Variants in SPOCK1 observed in about 807,000 individuals in gnomAD.
SPOCK1 encodes SPARC (osteonectin), cwcv and kazal like domains proteoglycan 1, also known as testican-1.
A neutral mutation model predicts 55.3 loss-of-function variants in SPOCK1; 23 were observed. The observed-to-expected ratio is 0.42, with a 90% CI of 0.30 to 0.59. The LOEUF is 0.59. Among genes scored for constraint, SPOCK1 ranks in the 20% least tolerant of loss-of-function variants. SPOCK1 has a pLI of 0.22. For synonymous variants in SPOCK1, 226 were observed against 221.0 expected (o/e 1.02, Z -0.20); for missense variants, 499 against 552.5 (o/e 0.90, Z 0.97).
intron 2 of SPOCK1, among the ~76,000 whole-genome samples, chr5:137,283,420 A>G (rs977163335): frequency 6.6e-5 from 10 of 152,230 alleles, no homozygotes; most frequent in Admixed American, 3.3e-4. Context: ...AGGACACTTA[A>G]GAACTAGCAG....
At chr5:137,014,874 A>T (rs976273434) in intron 6 of SPOCK1, among the ~76,000 whole-genome samples, 3 of 152,216 alleles carry the variant, frequency 2.0e-5, no homozygotes, top group Non-Finnish European at 4.4e-5. Context: ...TTTATCTGAC[A>T]GTTATTCTGT....
At chr5:137,378,943 G>C (rs1009893196) in intron 2 of SPOCK1, among the ~76,000 whole-genome samples, 4 of 152,188 alleles carry the variant, frequency 2.6e-5, no homozygotes, top group Non-Finnish European at 5.9e-5. Flanking sequence ...GGAAATCACT[G>C]CTGTACCCTG....
intron 6 of SPOCK1, among the ~76,000 whole-genome samples, chr5:137,060,812 T>G (rs999589180): frequency 1.3e-5 from 2 of 152,172 alleles, no homozygotes; most frequent in Non-Finnish European, 2.9e-5. Flanking sequence ...TCACTTGCTA[T>G]CAAATAGACT....
At chr5:137,114,533 T>C (rs903180371) in intron 4 of SPOCK1, among the ~76,000 whole-genome samples, 9 of 152,224 alleles carry the variant, frequency 5.9e-5, no homozygotes, top group Non-Finnish European at 8.8e-5. Context: ...TATTTGCATT[T>C]ATAAATTACA....
At chr5:137,335,632 G>A (rs1750249115) in intron 2 of SPOCK1, among the ~76,000 whole-genome samples, 1 of 152,136 alleles carries the variant, frequency 6.6e-6, no homozygotes. Context: ...TGAAACTCAG[G>A]GATCTGAAAG....
At chr5:137,316,022 T>C (rs1757874945) in intron 2 of SPOCK1, among the ~76,000 whole-genome samples, 1 of 152,194 alleles carries the variant, frequency 6.6e-6, no homozygotes, top group South Asian at 2.1e-4. Context: ...ACTTGTGCTA[T>C]GACAAAATAC....
At chr5:136,983,378 C>T (rs905431011) in intron 9 of SPOCK1, among the ~76,000 whole-genome samples, 4 of 152,114 alleles carry the variant, frequency 2.6e-5, no homozygotes, top group Non-Finnish European at 4.4e-5. Flanking sequence ...TAAATGAGAC[C>T]ATGGAACACC....
rs150794229 is a variant in SPOCK1, at chr5:137,152,187, T to A, written c.233-11493A>T. Among the ~76,000 whole-genome samples, 179 of 152,348 alleles carry A rather than the reference T, an allele frequency of 1.2e-3. 1 individual carries two copies. Among genetic ancestry groups the A allele is most frequent in the African/African-American group, 3.8e-3 (159 of 41,586 alleles). Reference sequence around the variant, plus strand: ...TAAGTGCCGTATAACTTAAGTCTTATGTATTCTTGCTGTTTTTACGTTTTG... The same window carrying A: ...TAAGTGCCGTATAACTTAAGTCTTAAGTATTCTTGCTGTTTTTACGTTTTG... On this transcript the variant is annotated intron_variant, in intron 3 of 10. Coordinates refer to ENST00000394945, the MANE Select transcript of SPOCK1 (RefSeq NM_004598.4).
At chr5:137,455,950 C>G (rs545792302) in intron 2 of SPOCK1, among the ~76,000 whole-genome samples, 10 of 152,116 alleles carry the variant, frequency 6.6e-5, no homozygotes, top group Non-Finnish European at 1.2e-4. Flanking sequence ...ATCACTTGAG[C>G]CCAAGGATCC....
At chr5:137,407,583 T>A (rs1580908974) in intron 2 of SPOCK1, among the ~76,000 whole-genome samples, 2 of 151,882 alleles carry the variant, frequency 1.3e-5, no homozygotes, top group Admixed American at 6.6e-5. Flanking sequence ...CTGTAAAAAA[T>A]ATATATAAGA....
intron 3 of SPOCK1, among the ~76,000 whole-genome samples, chr5:137,236,306 C>T (rs532526747): frequency 2.6e-5 from 4 of 152,314 alleles, no homozygotes; most frequent in South Asian, 2.1e-4. Context: ...GGCTGTCTGC[C>T]GGCATGCACA....
intron 3 of SPOCK1, among the ~76,000 whole-genome samples, chr5:137,168,126 T>C (rs1160014731): frequency 6.6e-6 from 1 of 151,960 alleles, no homozygotes; most frequent in African/African-American, 2.4e-5. Flanking sequence ...GAAAAGATAG[T>C]CTCTTCAATA....
intron 2 of SPOCK1, among the ~76,000 whole-genome samples, chr5:137,406,531 C>T (rs1752103260): frequency 6.6e-6 from 1 of 152,184 alleles, no homozygotes; most frequent in Admixed American, 6.5e-5. Context: ...AGCAGAAAGC[C>T]CATTTGGATT....
intron 4 of SPOCK1, among the ~76,000 whole-genome samples, chr5:137,138,537 C>T (rs895258286): frequency 6.6e-6 from 1 of 152,092 alleles, no homozygotes; most frequent in African/African-American, 2.4e-5. Flanking sequence ...ACCACACACA[C>T]ATGGCTAAAC....
chr5:137,187,592 G>A (rs1315926763), intron 3 of SPOCK1, among the ~76,000 whole-genome samples: 3 of 151,982 alleles, frequency 2.0e-5, no homozygotes, highest in Admixed American at 6.6e-5. Context: ...TACCCCCAAC[G>A]CAACTGTAAC....
chr5:137,343,656 C>T (rs1181673744), intron 2 of SPOCK1, among the ~76,000 whole-genome samples: 3 of 152,232 alleles, frequency 2.0e-5, no homozygotes, highest in Non-Finnish European at 4.4e-5. Context: ...CACACAGTTC[C>T]TCCTTAGGGT....
intron 3 of SPOCK1, among the ~76,000 whole-genome samples, chr5:137,156,846 G>C (rs1294285626): frequency 1.3e-5 from 2 of 152,126 alleles, no homozygotes; most frequent in African/African-American, 4.8e-5. Context: ...AGTGGATCCA[G>C]AGCCCTCCTG....
intron 2 of SPOCK1, among the ~76,000 whole-genome samples, chr5:137,299,852 A>AT (rs1450352778): frequency 6.6e-6 from 1 of 152,022 alleles, no homozygotes; most frequent in African/African-American, 2.4e-5. Context: ...GGTTCTTAGC[A>AT]TTTTGGCTAT....
At chr5:137,154,913 G>C (rs1004402491) in intron 3 of SPOCK1, among the ~76,000 whole-genome samples, 1 of 152,150 alleles carries the variant, frequency 6.6e-6, no homozygotes, top group African/African-American at 2.4e-5. Context: ...TGAACTGTGG[G>C]CTTCATTCAA....
Sources: allele counts gnomAD v4.1 joint callset (sites outside exome capture counted in the v4.1 genomes callset), GRCh38; gene constraint gnomAD v4.1.1; transcripts MANE v1.5; gene names NCBI Gene and HGNC (gene_info 2026-07-23, HGNC 2026-07-21).